CCDC32: variants seen among roughly 807,000 people sequenced by gnomAD.
CCDC32 encodes coiled-coil domain containing 32, also known as coiled-coil domain-containing protein 32.
In CCDC32, 9 loss-of-function variants were observed where a neutral mutation model predicts 20.1. That is an observed-to-expected ratio of 0.45 (90% CI 0.27 to 0.78). CCDC32 has a LOEUF of 0.78. Among genes scored for constraint, CCDC32 ranks in the 30% least tolerant of loss-of-function variants. The pLI, the probability that CCDC32 is intolerant of heterozygous loss-of-function variation, is 0.16. For missense variants in CCDC32, 204 were observed against 215.5 expected, an observed-to-expected ratio of 0.95 and a Z score of 0.33; for synonymous variants, 63 against 79.0, an observed-to-expected ratio of 0.80 and a Z score of 1.07.
rs545051389 is a variant in CCDC32 at position 40,529,257 on chromosome 15, G to A, written c.402-467C>T. On this transcript the variant is annotated intron_variant, in intron 3 of 3. Coordinates refer to the CCDC32 transcript ENST00000560305. ...CGGTGTTTTCAGATGACAGAGGTCC[G>A]AAGAATACAGAAAAGGGCCTTGCAT... 2.8e-4 allele frequency among the ~76,000 whole-genome samples: 43 copies of A among 152,318 alleles called. 1 individual carries two copies. The highest frequency in any genetic ancestry group is 1.0e-3 in the African/African-American group (42 of 41,572).
chr15:40,561,037 T>C (rs1890585962), intron 2 of CCDC32, among the ~76,000 whole-genome samples: 2 of 151,850 alleles, frequency 1.3e-5, no homozygotes, highest in Admixed American at 6.6e-5. Context: ...CCATAAGAAA[T>C]AATAAAATAA....
At chr15:40,557,494 C>A in intron 2 of CCDC32, 122 bp from the exon 3 acceptor site, 1 of 925,500 alleles carries the variant, frequency 1.1e-6, no homozygotes, top group African/African-American at 1.7e-5. Flanking sequence ...CACTCCCTGC[C>A]AAAGAGGTCA....
At chr15:40,542,836 C>G (rs1226632879) in intron 3 of CCDC32, among the ~76,000 whole-genome samples, 1 of 145,548 alleles carries the variant, frequency 6.9e-6, no homozygotes, top group Non-Finnish European at 1.5e-5. Context: ...GGGGACAGAG[C>G]GAGACTTTGT....
downstream of CCDC32, among the ~76,000 whole-genome samples, chr15:40,528,028 G>C (rs74749768): frequency 0.096 from 14,681 of 152,220 alleles, 824 homozygotes; most frequent in African/African-American, 0.16. Context: ...TTGTCAATTT[G>C]ATAGATAAAA....
chr15:40,554,456 T>G (rs901808795), intron 3 of CCDC32, among the ~76,000 whole-genome samples: 4 of 129,604 alleles, frequency 3.1e-5, no homozygotes, highest in Non-Finnish European at 7.4e-5. Context: ...CTTTTTTCAC[T>G]CAAAACAGGA....
At chr15:40,542,237 G>A (rs1889424337) in intron 3 of CCDC32, among the ~76,000 whole-genome samples, 1 of 152,194 alleles carries the variant, frequency 6.6e-6, no homozygotes. Flanking sequence ...ATGGTAATTG[G>A]TCTTCCTGAA....
intron 3 of CCDC32, among the ~76,000 whole-genome samples, chr15:40,544,337 C>A (rs1889526222): frequency 6.6e-6 from 1 of 152,156 alleles, no homozygotes; most frequent in African/African-American, 2.4e-5. Flanking sequence ...CCTCAGCATC[C>A]CGAGTAGCTG....
downstream of CCDC32, among the ~76,000 whole-genome samples, chr15:40,551,803 C>A (rs1889878608): frequency 1.8e-5 from 2 of 108,624 alleles, no homozygotes; most frequent in Admixed American, 1.2e-4. Flanking sequence ...GAGTGAGACC[C>A]TGTCTCAAAA....
At position 40,553,955 on chromosome 15, in the gene CCDC32, T is replaced by C; in HGVS notation, c.*16A>G. The stretch of plus-strand genomic sequence containing the variant: ...GTGTGTGTGTGTGTGTGTGTGTGTG[T>C]GTGTGTGTGTGTAATTTACTGTTCT... On this transcript the variant is annotated 3_prime_UTR_variant, in exon 4 of 4. Transcript: ENST00000416810. 1 of 1,395,410 alleles carries C rather than the reference T, an allele frequency of 7.2e-7. No individual in the cohort carries two copies. 86.4% of individuals were successfully genotyped at this position (1,395,410 alleles called of 1,614,324 possible). A position where few individuals can be genotyped will look rare whatever the true frequency, so the allele number is the denominator to read the frequency against.
chr15:40,559,269 T>C (rs1890462995), intron 2 of CCDC32, among the ~76,000 whole-genome samples: 1 of 152,174 alleles, frequency 6.6e-6, no homozygotes, highest in African/African-American at 2.4e-5. Flanking sequence ...AAAATGTATT[T>C]GTAAAGACAG....
At chr15:40,549,885 T>C (rs942051615), downstream of CCDC32, among the ~76,000 whole-genome samples, 1 of 152,188 alleles carries the variant, frequency 6.6e-6, no homozygotes, top group South Asian at 2.1e-4. Flanking sequence ...GGAGGACTCC[T>C]TCCAAAACAG....
intron 1 of CCDC32, among the ~76,000 whole-genome samples, chr15:40,563,951 G>C (rs1301279674): frequency 6.6e-6 from 1 of 151,908 alleles, no homozygotes; most frequent in African/African-American, 2.4e-5. Context: ...CTCCCAAATA[G>C]CTGGGACTAC....
At chr15:40,541,402 G>A (rs367986535) in intron 3 of CCDC32, among the ~76,000 whole-genome samples, 2 of 151,254 alleles carry the variant, frequency 1.3e-5, no homozygotes, top group Non-Finnish European at 2.9e-5. Flanking sequence ...GCTCCATCTC[G>A]GCTCACTGCA....
At chr15:40,564,063 G>A (rs1056078878) in intron 1 of CCDC32, among the ~76,000 whole-genome samples, 10 of 151,846 alleles carry the variant, frequency 6.6e-5, no homozygotes, top group African/African-American at 1.9e-4. Context: ...CTTGTGATCC[G>A]CCCGCCTCGG....
the CCDC32 span, among the ~76,000 whole-genome samples, chr15:40,521,332 C>T: frequency 6.6e-6 from 1 of 152,162 alleles, no homozygotes; most frequent in African/African-American, 2.4e-5. Context: ...ACACTTTTCT[C>T]ACTTGGCATA....
downstream of CCDC32, chr15:40,536,074 T>C (rs1225324230): frequency 6.6e-6 from 1 of 152,226 alleles, no homozygotes; most frequent in Non-Finnish European, 1.5e-5. Flanking sequence ...GTCTCAGGGT[T>C]GGAGGGAGTG....
At chr15:40,550,155 G>A (rs1280056250), downstream of CCDC32, among the ~76,000 whole-genome samples, 1 of 152,230 alleles carries the variant, frequency 6.6e-6, no homozygotes, top group Non-Finnish European at 1.5e-5. Flanking sequence ...CCTGGCTGCA[G>A]CCCAGCCTTC....
intron 2 of CCDC32, 158 bp from the exon 3 acceptor site, chr15:40,557,530 T>A: frequency 1.6e-6 from 1 of 631,636 alleles, no homozygotes. Context: ...TAAAAGGGAA[T>A]TGAACATTCT....
intron 3 of CCDC32, among the ~76,000 whole-genome samples, chr15:40,545,705 T>G (rs1889590758): frequency 6.6e-6 from 1 of 152,134 alleles, no homozygotes; most frequent in African/African-American, 2.4e-5. Flanking sequence ...AGAGCTAGGC[T>G]TGGCTCTCCA....
Sources: allele counts gnomAD v4.1 joint callset (sites outside exome capture counted in the v4.1 genomes callset), GRCh38; gene constraint gnomAD v4.1.1; transcripts MANE v1.5; gene names NCBI Gene and HGNC (gene_info 2026-07-23, HGNC 2026-07-21).